FRMD4A: variants seen among roughly 807,000 people sequenced by gnomAD.
The protein encoded by FRMD4A is FERM domain-containing protein 4A.
Under a neutral mutation model 129.1 loss-of-function variants are expected in FRMD4A, and 29 were observed. The observed-to-expected ratio is 0.22, with a 90% confidence interval of 0.17 to 0.31. FRMD4A has a LOEUF of 0.31. Among genes scored for constraint, FRMD4A ranks in the 10% least tolerant of loss-of-function variants. FRMD4A has a pLI of 1.00. For missense variants in FRMD4A, 1,272 were observed against 1,375.8 expected (o/e 0.92, Z 1.19); for synonymous variants, 634 against 571.6 (o/e 1.11, Z -1.56).
intron 2 of FRMD4A, among the ~76,000 whole-genome samples, chr10:14,174,184 C>A (rs763528372): frequency 1.3e-5 from 2 of 152,108 alleles, no homozygotes; most frequent in African/African-American, 2.4e-5. Context: ...TGCACCGCCA[C>A]CCGGTCTAAC....
intron 2 of FRMD4A, among the ~76,000 whole-genome samples, chr10:14,169,666 G>T (rs937070028): frequency 2.6e-5 from 4 of 152,098 alleles, no homozygotes; most frequent in African/African-American, 9.7e-5. Flanking sequence ...CTATCTCAGA[G>T]GCCCCTTCAG....
At chr10:14,028,389 G>A (rs535540721) in intron 2 of FRMD4A, among the ~76,000 whole-genome samples, 28 of 152,116 alleles carry the variant, frequency 1.8e-4, no homozygotes, top group East Asian at 5.8e-4. Context: ...AATGTAGAGC[G>A]TAACTCCTTA....
chr10:14,015,397 C>A (rs892583815), intron 2 of FRMD4A, among the ~76,000 whole-genome samples: 1 of 149,046 alleles, frequency 6.7e-6, no homozygotes, highest in East Asian at 2.0e-4. Flanking sequence ...CCCCTCCCCT[C>A]GCCTCCCCTC....
At chr10:14,107,411 GT>G (rs1837644148) in intron 2 of FRMD4A, among the ~76,000 whole-genome samples, 1 of 152,154 alleles carries the variant, frequency 6.6e-6, no homozygotes, top group Non-Finnish European at 1.5e-5. Context: ...CTCCCTGTGT[GT>G]TTATGCCATC....
chr10:13,672,137 T>G (rs552380664), intron 16 of FRMD4A, among the ~76,000 whole-genome samples: 2 of 152,368 alleles, frequency 1.3e-5, no homozygotes, highest in South Asian at 4.1e-4. Context: ...GACATGAGCA[T>G]AAACACATAC....
intron 2 of FRMD4A, among the ~76,000 whole-genome samples, chr10:14,059,202 G>C (rs974230988): frequency 6.6e-6 from 1 of 152,112 alleles, no homozygotes; most frequent in East Asian, 1.9e-4. Context: ...AAAATCACGT[G>C]GTTACTGTAA....
At chr10:14,161,221 G>T (rs894762965) in intron 2 of FRMD4A, among the ~76,000 whole-genome samples, 1 of 152,188 alleles carries the variant, frequency 6.6e-6, no homozygotes. Flanking sequence ...CTCCCAAAGT[G>T]CTGGGATTAC....
chr10:13,664,264 C>T (rs1303351162), intron 18 of FRMD4A, among the ~76,000 whole-genome samples: 2 of 152,190 alleles, frequency 1.3e-5, no homozygotes, highest in Non-Finnish European at 2.9e-5. Flanking sequence ...AATTACTCCT[C>T]TAGTTCAAGT....
At chr10:13,755,145 C>T (rs1030071893) in intron 8 of FRMD4A, among the ~76,000 whole-genome samples, 6 of 152,246 alleles carry the variant, frequency 3.9e-5, no homozygotes, top group African/African-American at 4.8e-5. Flanking sequence ...TCGATATAAA[C>T]GTTTATATTA....
intron 2 of FRMD4A, among the ~76,000 whole-genome samples, chr10:13,996,986 G>GCAAAACAAAACAAAACAAAACAAAA (rs55648919): frequency 6.7e-6 from 1 of 149,524 alleles, no homozygotes; most frequent in Non-Finnish European, 1.5e-5. Flanking sequence ...AAAAATTGAG[G>GCAAAACAAAACAAAACAAAACAAAA]CAAAACAAAA....
At chr10:14,003,035 G>A (rs1389720776) in intron 2 of FRMD4A, among the ~76,000 whole-genome samples, 1 of 152,154 alleles carries the variant, frequency 6.6e-6, no homozygotes, top group Non-Finnish European at 1.5e-5. Flanking sequence ...GAGGCAGGGA[G>A]CCACTTAAGG....
At chr10:14,188,713 TG>T (rs1289901811) in intron 2 of FRMD4A, among the ~76,000 whole-genome samples, 1 of 152,200 alleles carries the variant, frequency 6.6e-6, no homozygotes, top group African/African-American at 2.4e-5. Context: ...GAGACAAACC[TG>T]GGCAACATAG....
intron 2 of FRMD4A, among the ~76,000 whole-genome samples, chr10:14,212,575 A>G (rs1842961397): frequency 6.6e-6 from 1 of 152,194 alleles, no homozygotes; most frequent in African/African-American, 2.4e-5. Context: ...AAAAAACGAT[A>G]TACACACAGT....
chr10:14,141,616 A>G (rs1048701479), intron 2 of FRMD4A, among the ~76,000 whole-genome samples: 3 of 150,262 alleles, frequency 2.0e-5, no homozygotes, highest in African/African-American at 7.4e-5. Context: ...GTGAGATCCT[A>G]TTTCTCCTTT....
At chr10:14,062,674 C>T (rs904758663) in intron 2 of FRMD4A, among the ~76,000 whole-genome samples, 1 of 152,168 alleles carries the variant, frequency 6.6e-6, no homozygotes, top group Non-Finnish European at 1.5e-5. Flanking sequence ...ACAGAATTCC[C>T]GACTTTCAAC....
intron 2 of FRMD4A, among the ~76,000 whole-genome samples, chr10:14,127,201 G>T (rs1182683082): frequency 6.6e-6 from 1 of 152,214 alleles, no homozygotes; most frequent in Non-Finnish European, 1.5e-5. Context: ...CAAAGGCTCA[G>T]CATTCAGGTG....
intron 2 of FRMD4A, among the ~76,000 whole-genome samples, chr10:14,300,167 A>G (rs1347170879): frequency 1.3e-5 from 2 of 152,040 alleles, no homozygotes; most frequent in African/African-American, 4.8e-5. Flanking sequence ...CCTTAGCAAA[A>G]TAATAAATTC....
At chr10:13,787,060 C>T (rs1157600824) in intron 5 of FRMD4A, among the ~76,000 whole-genome samples, 1 of 152,160 alleles carries the variant, frequency 6.6e-6, no homozygotes, top group Non-Finnish European at 1.5e-5. Context: ...TGACTGCCTT[C>T]ATTTCCACCA....
At chr10:14,060,058 ACTCTAT>A (rs961130615) in intron 2 of FRMD4A, among the ~76,000 whole-genome samples, 5 of 151,946 alleles carry the variant, frequency 3.3e-5, no homozygotes, top group African/African-American at 1.2e-4. Flanking sequence ...ACCTTTAACT[ACTCTAT>A]CTCTAAGTTT....
Sources: gnomAD v4.1 joint callset for allele counts (sites outside exome capture counted in the v4.1 genomes callset) on GRCh38, gnomAD v4.1.1 for gene constraint, MANE v1.5 for transcripts, NCBI Gene and HGNC (gene_info 2026-07-23, HGNC 2026-07-21) for gene names.